ADAM22: variants seen among roughly 807,000 people sequenced by gnomAD.
The protein encoded by ADAM22 is disintegrin and metalloproteinase domain-containing protein 22.
A neutral mutation model predicts 144.6 loss-of-function variants in ADAM22; 65 were observed. The ratio of observed to expected loss-of-function variants is 0.45; its 90% CI spans 0.37 to 0.55. The LOEUF is 0.55. Ranked by LOEUF, ADAM22 falls within the 20% of genes least tolerant of loss-of-function variation. The probability of loss-of-function intolerance (pLI) is 0.00; values close to 1 mark genes in which losing one functional copy is unlikely to be tolerated. For missense variants in ADAM22, 974 were observed against 1,184.9 expected (o/e 0.82, Z 2.61); for synonymous variants, 391 against 412.6 (o/e 0.95, Z 0.63).
Position 88,193,204 on chromosome 7 carries a change from G to A in ADAM22, c.2839G>A (p.Asp947Asn). 6.2e-7 allele frequency: 1 copy of A among 1,614,082 alleles called. No homozygotes were observed. The highest frequency in any genetic ancestry group is 8.5e-7 in the Non-Finnish European group (1 of 1,179,970). Residue 947 changes from aspartate to asparagine, a missense_variant, in exon 31 of 32, where the codon GAT becomes AAT. Physicochemically the swap from Asp to Asn is conservative, Grantham distance 23. This residue lies in a region of ADAM22 where 734 missense variants were observed against 950.6 expected (regional missense o/e 0.77). Coordinates refer to ENST00000413139, the MANE Select transcript of ADAM22 (RefSeq NM_001324418.2). ...KYPYPMPPLPDEDKKVNRQSA... is the reference protein window; with the variant it reads ...KYPYPMPPLPNEDKKVNRQSA... Reference sequence around the variant, plus strand: ...CCCTTACCCAATGCCTCCACTTCCTGATGAGGACAAGAAAGTGAACCGACA... The same window carrying A: ...CCCTTACCCAATGCCTCCACTTCCTAATGAGGACAAGAAAGTGAACCGACA...
chr7:88,075,260 G>A (rs1044409586), intron 3 of ADAM22, among the ~76,000 whole-genome samples: 1 of 151,956 alleles, frequency 6.6e-6, no homozygotes, highest in Admixed American at 6.5e-5. Flanking sequence ...AAATGGTAAG[G>A]CATAATATAC....
At chr7:88,089,495 T>C (rs563655622) in intron 4 of ADAM22, among the ~76,000 whole-genome samples, 1 of 152,252 alleles carries the variant, frequency 6.6e-6, no homozygotes, top group South Asian at 2.1e-4. Flanking sequence ...TTTCCTTTAC[T>C]CTCATTTTCA....
At chr7:88,071,491 T>C (rs1812797998) in intron 3 of ADAM22, among the ~76,000 whole-genome samples, 1 of 150,782 alleles carries the variant, frequency 6.6e-6, no homozygotes, top group African/African-American at 2.4e-5. Context: ...AATTAGTAAA[T>C]GGCAGAGCTT....
chr7:88,051,428 A>T (rs1320628442), intron 3 of ADAM22, among the ~76,000 whole-genome samples: 2 of 152,132 alleles, frequency 1.3e-5, no homozygotes, highest in Admixed American at 6.6e-5. Context: ...GGAAACCATC[A>T]TTCTGAGCAA....
chr7:88,097,376 G>A (rs1325776388), intron 4 of ADAM22, among the ~76,000 whole-genome samples: 2 of 151,374 alleles, frequency 1.3e-5, no homozygotes, highest in Non-Finnish European at 2.9e-5. Flanking sequence ...TCAAACACCT[G>A]ACTTCAAGCG....
At chr7:88,184,661 T>C (rs1847883330) in intron 29 of ADAM22, among the ~76,000 whole-genome samples, 2 of 152,136 alleles carry the variant, frequency 1.3e-5, no homozygotes, top group Admixed American at 1.3e-4. Context: ...GTAGATTTAC[T>C]GCAATATGAT....
At chr7:88,033,067 T>A (rs1423540580) in intron 3 of ADAM22, among the ~76,000 whole-genome samples, 1 of 152,322 alleles carries the variant, frequency 6.6e-6, no homozygotes, top group East Asian at 1.9e-4. Context: ...AAGTCATGTT[T>A]TTCTGGTCTT....
At chr7:88,071,306 A>G (rs533113700) in intron 3 of ADAM22, among the ~76,000 whole-genome samples, 1 of 152,014 alleles carries the variant, frequency 6.6e-6, no homozygotes, top group African/African-American at 2.4e-5. Flanking sequence ...GAGATGGTGA[A>G]TAGGGTATGT....
intron 3 of ADAM22, among the ~76,000 whole-genome samples, chr7:87,983,469 A>G (rs567366110): frequency 3.3e-5 from 5 of 152,106 alleles, no homozygotes; most frequent in African/African-American, 9.6e-5. Context: ...ATAATTATTT[A>G]TTAGTGTTAT....
chr7:88,147,343 A>AT (rs1290842419), intron 17 of ADAM22, among the ~76,000 whole-genome samples: 1 of 152,080 alleles, frequency 6.6e-6, no homozygotes, highest in African/African-American at 2.4e-5. Context: ...GTGTATCTCT[A>AT]TTTTTTTCTA....
At chr7:87,954,090 T>C (rs1845998808) in intron 2 of ADAM22, among the ~76,000 whole-genome samples, 1 of 152,182 alleles carries the variant, frequency 6.6e-6, no homozygotes, top group South Asian at 2.1e-4. Context: ...TCTTGACTCT[T>C]TATCCAATTT....
chr7:88,033,722 G>T (rs1457422522), intron 3 of ADAM22, among the ~76,000 whole-genome samples: 1 of 152,108 alleles, frequency 6.6e-6, no homozygotes, highest in Non-Finnish European at 1.5e-5. Context: ...AATCTACCTG[G>T]TGCTCCATTC....
At chr7:87,991,311 A>G (rs951590967) in intron 3 of ADAM22, among the ~76,000 whole-genome samples, 7 of 146,364 alleles carry the variant, frequency 4.8e-5, no homozygotes, top group African/African-American at 1.5e-4. Context: ...TTAACTTATT[A>G]TATTAAAAAA....
intron 25 of ADAM22, among the ~76,000 whole-genome samples, chr7:88,169,194 A>T (rs945001624): frequency 6.6e-6 from 1 of 152,112 alleles, no homozygotes. Flanking sequence ...AAGGGAGAGC[A>T]GTTAGTTTAC....
chr7:88,041,166 A>C (rs1033064728), intron 3 of ADAM22, among the ~76,000 whole-genome samples: 8 of 152,056 alleles, frequency 5.3e-5, no homozygotes, highest in Non-Finnish European at 7.4e-5. Flanking sequence ...GCCATGTAAC[A>C]TTATATGGAT....
chr7:88,038,408 TA>T (rs531566338), intron 3 of ADAM22, among the ~76,000 whole-genome samples: 2 of 148,872 alleles, frequency 1.3e-5, no homozygotes, highest in Admixed American at 6.7e-5. Flanking sequence ...AAGCACGCTC[TA>T]AAAAAAAAGT....
chr7:88,066,486 C>CTTAT (rs1482368608), intron 3 of ADAM22, among the ~76,000 whole-genome samples: 1 of 151,982 alleles, frequency 6.6e-6, no homozygotes, highest in Non-Finnish European at 1.5e-5. Flanking sequence ...AAGTGTGATG[C>CTTAT]TTATTTAATA....
chr7:87,963,264 C>T (rs1023712712), intron 2 of ADAM22, among the ~76,000 whole-genome samples: 1 of 152,134 alleles, frequency 6.6e-6, no homozygotes, highest in Non-Finnish European at 1.5e-5. Flanking sequence ...AAGTTTCAGT[C>T]ATGAGTCTTT....
At chr7:88,189,921 C>T (rs531460831) in intron 30 of ADAM22, among the ~76,000 whole-genome samples, 7 of 151,998 alleles carry the variant, frequency 4.6e-5, no homozygotes, top group African/African-American at 1.2e-4. Flanking sequence ...TCCAGCCTGG[C>T]GACAGAGTGA....
Sources: gnomAD v4.1 joint callset for allele counts (sites outside exome capture counted in the v4.1 genomes callset) on GRCh38, gnomAD v4.1.1 for gene constraint, gnomAD v4.1.1 regional missense constraint, MANE v1.5 for transcripts, NCBI Gene and HGNC (gene_info 2026-07-23, HGNC 2026-07-21) for gene names.